PPM1H: variants seen among roughly 807,000 people sequenced by gnomAD.
PPM1H encodes protein phosphatase, Mg2+/Mn2+ dependent 1H, also known as protein phosphatase 1H.
A neutral mutation model predicts 54.9 loss-of-function variants in PPM1H; 27 were observed. The observed-to-expected ratio is 0.49, with a 90% CI of 0.36 to 0.68. The LOEUF is 0.68. PPM1H is among the 30% of genes least tolerant of loss of function. PPM1H has a pLI of 0.00. For synonymous variants in PPM1H, 305 were observed against 270.8 expected, an observed-to-expected ratio of 1.13 and a Z score of -1.24; for missense variants, 596 against 667.8, an observed-to-expected ratio of 0.89 and a Z score of 1.19.
At chr12:62,886,377 T>C (rs964936693) in intron 1 of PPM1H, among the ~76,000 whole-genome samples, 5 of 152,218 alleles carry the variant, frequency 3.3e-5, no homozygotes, top group African/African-American at 1.2e-4. Context: ...CCAAGTTATT[T>C]TGTGCATTTT....
chr12:62,932,793 C>T (rs952811244), intron 1 of PPM1H, among the ~76,000 whole-genome samples: 2 of 151,744 alleles, frequency 1.3e-5, no homozygotes, highest in African/African-American at 2.4e-5. Context: ...CGCCACCACG[C>T]CCGGCTAATT....
At chr12:62,677,870 G>A (rs1390990468) in intron 8 of PPM1H, among the ~76,000 whole-genome samples, 1 of 152,230 alleles carries the variant, frequency 6.6e-6, no homozygotes, top group Non-Finnish European at 1.5e-5. Flanking sequence ...TATCCAAAAT[G>A]TAAAAATGCT....
intron 4 of PPM1H, among the ~76,000 whole-genome samples, chr12:62,739,478 G>A (rs1185758382): frequency 3.9e-5 from 6 of 152,204 alleles, no homozygotes; most frequent in African/African-American, 7.2e-5. Context: ...GGGAGCTGGA[G>A]TGAAAGTTAT....
intron 1 of PPM1H, among the ~76,000 whole-genome samples, chr12:62,845,855 C>T (rs1341236550): frequency 1.3e-5 from 2 of 152,210 alleles, no homozygotes; most frequent in African/African-American, 2.4e-5. Flanking sequence ...CTCCTTCCTT[C>T]TGCTGTCTCC....
At chr12:62,913,978 G>A (rs1465405974) in intron 1 of PPM1H, among the ~76,000 whole-genome samples, 1 of 152,172 alleles carries the variant, frequency 6.6e-6, no homozygotes, top group Non-Finnish European at 1.5e-5. Flanking sequence ...GGGATTACAG[G>A]CGTGAGCAAC....
chr12:62,887,368 G>A (rs1011078090), intron 1 of PPM1H, among the ~76,000 whole-genome samples: 6 of 152,300 alleles, frequency 3.9e-5, no homozygotes, highest in South Asian at 2.1e-4. Context: ...CTAAGATGTG[G>A]ACCTTGCTGC....
chr12:62,823,795 C>T (rs1192631116), intron 2 of PPM1H, among the ~76,000 whole-genome samples: 1 of 152,144 alleles, frequency 6.6e-6, no homozygotes, highest in Non-Finnish European at 1.5e-5. Flanking sequence ...CAATATCATA[C>T]TGAATGGGCA....
rs954240536 is a variant in PPM1H at position 62,870,400 on chromosome 12, G to T, written c.246-38121C>A. ...ATTTTGCTCCAGACAAAGCAGAAGA[G>T]AGATGAGAGGCTGACTGTAGGTAGG... On this transcript the variant is annotated intron_variant, in intron 1 of 9. Coordinates refer to ENST00000228705, the MANE Select transcript of PPM1H (RefSeq NM_020700.2). Among the ~76,000 whole-genome samples, 33 of 152,268 alleles carry T rather than the reference G, an allele frequency of 2.2e-4. 1 individual carries two copies. The highest frequency in any genetic ancestry group is 7.9e-4 in the African/African-American group (33 of 41,552).
intron 2 of PPM1H, among the ~76,000 whole-genome samples, chr12:62,808,541 G>A (rs564114560): frequency 3.3e-5 from 5 of 152,062 alleles, no homozygotes; most frequent in African/African-American, 7.2e-5. Context: ...GCTCCTGTCC[G>A]TGAGCCTCCA....
chr12:62,801,145 CCT>C (rs541764940), intron 3 of PPM1H, among the ~76,000 whole-genome samples: 23 of 152,278 alleles, frequency 1.5e-4, no homozygotes, highest in African/African-American at 4.6e-4. Context: ...TTTCCTAAAC[CCT>C]GTTTCCCCCA....
At chr12:62,927,427 A>T (rs1175376538) in intron 1 of PPM1H, among the ~76,000 whole-genome samples, 1 of 152,154 alleles carries the variant, frequency 6.6e-6, no homozygotes, top group Non-Finnish European at 1.5e-5. Flanking sequence ...TGGGAGGCTG[A>T]GGCAGGTGGA....
chr12:62,905,812 T>A (rs781731347), intron 1 of PPM1H, among the ~76,000 whole-genome samples: 2 of 152,194 alleles, frequency 1.3e-5, no homozygotes, highest in Non-Finnish European at 2.9e-5. Context: ...TAGGAGATAA[T>A]ACCCCTTCCA....
chr12:62,677,456 G>T (rs1193156397), intron 8 of PPM1H, among the ~76,000 whole-genome samples: 1 of 152,180 alleles, frequency 6.6e-6, no homozygotes, highest in Non-Finnish European at 1.5e-5. Context: ...CCTCTTTGGG[G>T]CTCTACAGTT....
rs1226983558 is a variant in PPM1H, at chr12:62,880,097, G to T, written c.246-47818C>A. Among the ~76,000 whole-genome samples the T allele has an allele frequency of 1.3e-5, 2 of 152,152 alleles. 1 individual carries two copies. The highest frequency in any genetic ancestry group is 3.8e-4 in the East Asian group (2 of 5,196). ...TTACTCTGACTTAAGCATGCTCATTGAAAGGAGAGAGAGAGAAAAAAGTTG... is the reference window on the plus strand; with the variant it reads ...TTACTCTGACTTAAGCATGCTCATTTAAAGGAGAGAGAGAGAAAAAAGTTG... On this transcript the variant is annotated intron_variant, in intron 1 of 9. Coordinates refer to ENST00000228705, the MANE Select transcript of PPM1H (RefSeq NM_020700.2).
At chr12:62,877,491 T>C (rs1031590138) in intron 1 of PPM1H, among the ~76,000 whole-genome samples, 9 of 152,212 alleles carry the variant, frequency 5.9e-5, no homozygotes, top group African/African-American at 2.2e-4. Context: ...CGCGATACGG[T>C]AATAGTAATT....
Position 62,741,155 on chromosome 12 carries a change from C to T in PPM1H, c.870-3569G>A, listed in dbSNP as rs770457038. On this transcript the variant is annotated intron_variant, in intron 4 of 9. Coordinates refer to ENST00000228705, the MANE Select transcript of PPM1H (RefSeq NM_020700.2). ...CCAAACAATTTTCCACCTAGTTGCTCGTCCCAGAAGACAGGCAGCCATTCT... is the reference window on the plus strand; with the variant it reads ...CCAAACAATTTTCCACCTAGTTGCTTGTCCCAGAAGACAGGCAGCCATTCT... Among the ~76,000 whole-genome samples, 13 of 152,222 alleles carry T rather than the reference C, an allele frequency of 8.5e-5. No individual in the cohort carries two copies. In the East Asian group the frequency reaches 2.3e-3, roughly 27 times the overall value.
chr12:62,701,622 ACT>A (rs1283332053), intron 6 of PPM1H, among the ~76,000 whole-genome samples: 3 of 151,164 alleles, frequency 2.0e-5, no homozygotes, highest in African/African-American at 7.3e-5. Flanking sequence ...TGGCCTTTGC[ACT>A]CTGACATCGT....
intron 2 of PPM1H, among the ~76,000 whole-genome samples, chr12:62,809,611 G>A (rs892465814): frequency 6.6e-6 from 1 of 152,196 alleles, no homozygotes; most frequent in Non-Finnish European, 1.5e-5. Flanking sequence ...ATCACAAGTG[G>A]TATGAAGGTG....
At chr12:62,837,647 A>G (rs759223908) in intron 1 of PPM1H, among the ~76,000 whole-genome samples, 1 of 152,266 alleles carries the variant, frequency 6.6e-6, no homozygotes, top group Non-Finnish European at 1.5e-5. Flanking sequence ...TAAAATAAGA[A>G]TAGTCACTTC....
Sources: allele counts gnomAD v4.1 joint callset (sites outside exome capture counted in the v4.1 genomes callset), GRCh38; gene constraint gnomAD v4.1.1; transcripts MANE v1.5; gene names NCBI Gene and HGNC (gene_info 2026-07-23, HGNC 2026-07-21).